Variants in SGTB observed in about 807,000 individuals in gnomAD.
The protein encoded by SGTB is small glutamine rich tetratricopeptide repeat co-chaperone beta, also known as small glutamine-rich tetratricopeptide repeat-containing protein beta.
A neutral mutation model predicts 43.9 loss-of-function variants in SGTB; 19 were observed. That is an observed-to-expected ratio of 0.43 (90% CI 0.30 to 0.63). The LOEUF is 0.63. SGTB is among the 30% of genes least tolerant of loss of function. The probability of loss-of-function intolerance (pLI) is 0.12; values close to 1 mark genes in which losing one functional copy is unlikely to be tolerated. For missense variants in SGTB, 304 were observed against 358.9 expected, an observed-to-expected ratio of 0.85 and a Z score of 1.24; for synonymous variants, 116 against 117.3, an observed-to-expected ratio of 0.99 and a Z score of 0.07.
intron 6 of SGTB, among the ~76,000 whole-genome samples, chr5:65,682,329 A>G (rs1757413204): frequency 6.6e-6 from 1 of 152,210 alleles, no homozygotes; most frequent in Non-Finnish European, 1.5e-5. Flanking sequence ...CATTGCTTGG[A>G]GTTTGAACTT....
At chr5:65,672,472 C>T (rs1487390526) in intron 8 of SGTB, among the ~76,000 whole-genome samples, 191 bp from the exon 9 acceptor site, 1 of 152,112 alleles carries the variant, frequency 6.6e-6, no homozygotes, top group Non-Finnish European at 1.5e-5. Flanking sequence ...ATTAAGAAGA[C>T]ATGGTGAGGA....
intron 2 of SGTB, among the ~76,000 whole-genome samples, chr5:65,718,810 T>G (rs1199023843): frequency 6.6e-6 from 1 of 152,198 alleles, no homozygotes; most frequent in Non-Finnish European, 1.5e-5. Flanking sequence ...GGCACATATT[T>G]TTGGCTGAAT....
At position 65,665,998 on chromosome 5, in the gene SGTB, A is replaced by G. The variant is rs1757026294; in HGVS notation, c.*4248T>C. 1 of 152,612 alleles carries G rather than the reference A, an allele frequency of 6.6e-6. No homozygotes were observed. The highest frequency in any genetic ancestry group is 2.1e-4 in the South Asian group (1 of 4,834). 9.5% of individuals were successfully genotyped at this position (152,612 alleles called of 1,614,324 possible). A position where few individuals can be genotyped will look rare whatever the true frequency, so the allele number is the denominator to read the frequency against. The stretch of plus-strand genomic sequence containing the variant: ...GGTCCAAAATGAAAGCTATATTCAG[A>G]AGGTTTGCACCTCAAAATTGAGTAA... On this transcript the variant is annotated 3_prime_UTR_variant, in exon 11 of 11. Transcript: ENST00000381007.
chr5:65,705,315 G>A (rs1032748591), intron 4 of SGTB, among the ~76,000 whole-genome samples: 7 of 152,080 alleles, frequency 4.6e-5, no homozygotes, highest in African/African-American at 9.7e-5. Context: ...TTAGCCAGGC[G>A]CAGTGGTACA....
At chr5:65,682,653 T>A (rs188785542) in intron 6 of SGTB, among the ~76,000 whole-genome samples, 2 of 152,216 alleles carry the variant, frequency 1.3e-5, no homozygotes, top group African/African-American at 4.8e-5. Flanking sequence ...ATGGGATAGA[T>A]AACTAATTGT....
Position 65,693,038 on chromosome 5 carries a change from A to C in SGTB, c.375-7566T>G, listed in dbSNP as rs1388055901. ...TGCCCAACATGATGAAATCCTGTCT[A>C]TACTAAAAATACAAAAATTAGCTGG... is the stretch of plus-strand genomic sequence containing the variant. On this transcript the variant is annotated intron_variant, in intron 5 of 10. Transcript: ENST00000381007. Among the ~76,000 whole-genome samples the C allele has an allele frequency of 2.6e-5, 4 of 152,132 alleles. No individual in the cohort carries two copies. The East Asian group carries it at 7.8e-4, about 29-fold the overall frequency.
chr5:65,717,385 G>A (rs950339810), intron 2 of SGTB, among the ~76,000 whole-genome samples: 1 of 151,906 alleles, frequency 6.6e-6, no homozygotes, highest in African/African-American at 2.4e-5. Context: ...AAATGATCCA[G>A]TAGGGTATGA....
intron 5 of SGTB, among the ~76,000 whole-genome samples, chr5:65,696,469 AGTT>A (rs1222944622): frequency 2.0e-5 from 3 of 152,206 alleles, no homozygotes; most frequent in African/African-American, 7.2e-5. Flanking sequence ...ATACTCAATC[AGTT>A]GTTGTTTTAT....
chr5:65,685,477 G>C lies in SGTB; in HGVS notation c.375-5C>G, dbSNP rs755658445. 16 of 1,612,988 alleles carry C rather than the reference G, an allele frequency of 9.9e-6. No individual in the cohort carries two copies. In the Admixed American group the frequency reaches 2.7e-4, roughly 27 times the overall value. On this transcript the variant is annotated splice_region_variant and splice_polypyrimidine_tract_variant and intron_variant, in intron 5 of 10. Coordinates refer to ENST00000381007, the MANE Select transcript of SGTB (RefSeq NM_019072.3). ...AATTTGCTCTGAGCAGCAGCCCTAA[G>C]AGAAAGAAAACAGAATTTTATTAAA... is the stretch of plus-strand genomic sequence containing the variant.
At chr5:65,688,988 T>C (rs1757550961) in intron 5 of SGTB, among the ~76,000 whole-genome samples, 1 of 152,062 alleles carries the variant, frequency 6.6e-6, no homozygotes, top group African/African-American at 2.4e-5. Context: ...TTTTTGTATT[T>C]TTAGTAGAGA....
At chr5:65,707,287 C>T (rs192260199) in intron 4 of SGTB, among the ~76,000 whole-genome samples, 1 of 151,646 alleles carries the variant, frequency 6.6e-6, no homozygotes, top group African/African-American at 2.4e-5. Context: ...AAGCAAAAAC[C>T]ACAGTGATAT....
upstream of SGTB, chr5:65,722,355 C>T: frequency 6.4e-7 from 1 of 1,558,610 alleles, no homozygotes. Context: ...CCCGCCGCCG[C>T]CAGCCTCTCA....
At position 65,685,384 on chromosome 5, in the gene SGTB, C is replaced by A; in HGVS notation, c.463G>T (p.Ala155Ser). The change falls in exon 6 of 11, where the codon GCC (alanine) becomes TCC (serine). Residue 155 changes from alanine (A) to serine (S), a missense_variant. Coordinates refer to ENST00000381007, the MANE Select transcript of SGTB (RefSeq NM_019072.3). ...AIAIDSKYSK[A>S]YGRMGLALTA... ...AGAACTTACCCCATTCTCCCATAGG[C>A]CTTGCTGTACTTTGAATCAATTGCT... 6.2e-7 allele frequency: 1 copy of A among 1,614,154 alleles called. No homozygotes were observed. The highest frequency in any genetic ancestry group is 1.1e-5 in the South Asian group (1 of 91,076).
At chr5:65,681,046 CT>C in intron 6 of SGTB, among the ~76,000 whole-genome samples, 1 of 152,108 alleles carries the variant, frequency 6.6e-6, no homozygotes, top group Non-Finnish European at 1.5e-5. Flanking sequence ...TAGAGATTAT[CT>C]TACTTACTCT....
intron 8 of SGTB, among the ~76,000 whole-genome samples, chr5:65,673,692 G>A (rs1408353856): frequency 6.8e-6 from 1 of 147,642 alleles, no homozygotes; most frequent in African/African-American, 2.5e-5. Flanking sequence ...GTTTCACTCT[G>A]TCACCCAGGC....
chr5:65,722,468 C>A, upstream of SGTB: 1 of 1,488,644 alleles, frequency 6.7e-7, no homozygotes, highest in Non-Finnish European at 9.1e-7. Flanking sequence ...GGTCTTTCGC[C>A]GTGTGGTGCC....
At chr5:65,686,430 G>A (rs1055115755) in intron 5 of SGTB, among the ~76,000 whole-genome samples, 1 of 151,844 alleles carries the variant, frequency 6.6e-6, no homozygotes, top group African/African-American at 2.4e-5. Flanking sequence ...GCCAACCCAA[G>A]TCTCTGACCT....
chr5:65,692,510 A>G (rs1757632549), intron 5 of SGTB, among the ~76,000 whole-genome samples: 1 of 152,194 alleles, frequency 6.6e-6, no homozygotes, highest in Non-Finnish European at 1.5e-5. Flanking sequence ...TTTAACTTAA[A>G]TTTAATCATG....
intron 5 of SGTB, among the ~76,000 whole-genome samples, chr5:65,697,858 C>T (rs1757741263): frequency 6.6e-6 from 1 of 152,144 alleles, no homozygotes; most frequent in African/African-American, 2.4e-5. Flanking sequence ...CTGATATATT[C>T]AAACAATAGA....
Sources: allele counts gnomAD v4.1 joint callset (sites outside exome capture counted in the v4.1 genomes callset), GRCh38; gene constraint gnomAD v4.1.1; transcripts MANE v1.5; gene names NCBI Gene and HGNC (gene_info 2026-07-23, HGNC 2026-07-21).